The following VPS41 variants were observed in gnomAD, a reference collection of about 807,000 sequenced individuals.
VPS41 encodes vacuolar protein sorting-associated protein 41 homolog.
VPS41 carries 85 observed loss-of-function variants against 130.9 expected under a neutral mutation model. The ratio of observed to expected loss-of-function variants is 0.65; its 90% CI spans 0.55 to 0.78. The LOEUF is 0.78. Among genes scored for constraint, VPS41 ranks in the 30% least tolerant of loss-of-function variants. VPS41 has a pLI of 0.00. For synonymous variants in VPS41, 335 were observed against 332.9 expected (o/e 1.01, Z -0.07); for missense variants, 874 against 1,018.7 (o/e 0.86, Z 1.93).
At chr7:38,818,580 T>C (rs1317184358) in intron 6 of VPS41, among the ~76,000 whole-genome samples, 1 of 152,210 alleles carries the variant, frequency 6.6e-6, no homozygotes, top group African/African-American at 2.4e-5. Flanking sequence ...CATAACATCA[T>C]TAACATCTTG....
At chr7:38,789,258 G>C (rs1465288139) in intron 10 of VPS41, among the ~76,000 whole-genome samples, 2 of 152,096 alleles carry the variant, frequency 1.3e-5, no homozygotes, top group African/African-American at 2.4e-5. Flanking sequence ...AGACAGAAAT[G>C]TATCAAATAA....
intron 10 of VPS41, among the ~76,000 whole-genome samples, chr7:38,783,392 A>C (rs1172097199): frequency 6.6e-6 from 1 of 151,330 alleles, no homozygotes; most frequent in Admixed American, 6.6e-5. Context: ...AAAATTAGCC[A>C]AGCGTGGTGG....
chr7:38,848,725 G>A (rs1785780573), intron 4 of VPS41, among the ~76,000 whole-genome samples: 1 of 152,218 alleles, frequency 6.6e-6, no homozygotes, highest in Non-Finnish European at 1.5e-5. Flanking sequence ...AGGGCTGGCT[G>A]GCTGGCGTCT....
chr7:38,877,337 G>A (rs1325733691), intron 2 of VPS41, among the ~76,000 whole-genome samples: 1 of 152,026 alleles, frequency 6.6e-6, no homozygotes. Flanking sequence ...GAGAAGGAGG[G>A]GTAAAAGGGG....
At chr7:38,891,275 T>C (rs1200503814) in intron 2 of VPS41, among the ~76,000 whole-genome samples, 1 of 152,192 alleles carries the variant, frequency 6.6e-6, no homozygotes, top group Non-Finnish European at 1.5e-5. Flanking sequence ...GTTATTTTGC[T>C]AAGTATATAA....
At chr7:38,735,521 GTGTA>G (rs34188709) in intron 25 of VPS41, among the ~76,000 whole-genome samples, 3,879 of 152,220 alleles carry the variant, frequency 0.025, 62 homozygotes, top group Middle Eastern at 0.058. Flanking sequence ...ATGTGTATAT[GTGTA>G]TGTGTGTGTG....
chr7:38,740,446 T>A (rs1795858597), intron 25 of VPS41, among the ~76,000 whole-genome samples: 2 of 152,286 alleles, frequency 1.3e-5, no homozygotes, highest in South Asian at 4.2e-4. Flanking sequence ...AAAAGCCAGC[T>A]CCTCACCTCA....
At chr7:38,737,512 T>A (rs1166902993) in intron 25 of VPS41, among the ~76,000 whole-genome samples, 1 of 152,114 alleles carries the variant, frequency 6.6e-6, no homozygotes, top group African/African-American at 2.4e-5. Flanking sequence ...TGCCAAATTG[T>A]AGGAGGCAGA....
chr7:38,875,976 T>C (rs979185493), intron 2 of VPS41, among the ~76,000 whole-genome samples: 2 of 152,246 alleles, frequency 1.3e-5, no homozygotes, highest in Admixed American at 1.3e-4. Flanking sequence ...ACCCACATAT[T>C]ATTATTTAAA....
intron 10 of VPS41, among the ~76,000 whole-genome samples, chr7:38,779,400 G>T (rs1356913354): frequency 6.6e-6 from 1 of 152,102 alleles, no homozygotes; most frequent in Non-Finnish European, 1.5e-5. Flanking sequence ...TGCAATTATA[G>T]TAATACTCAG....
chr7:38,882,672 C>T (rs1374211378), intron 2 of VPS41, among the ~76,000 whole-genome samples: 3 of 152,196 alleles, frequency 2.0e-5, no homozygotes, highest in South Asian at 4.1e-4. Context: ...AGAGTCCTCC[C>T]CTACCTTAGT....
At chr7:38,728,212 T>C (rs554210421) in intron 27 of VPS41, 2 of 496,046 alleles carry the variant, frequency 4.0e-6, no homozygotes, top group Non-Finnish European at 3.7e-6. Flanking sequence ...GCATCAACAT[T>C]ACCTGGGAAC....
chr7:38,766,812 C>G (rs1584384568), intron 15 of VPS41, among the ~76,000 whole-genome samples: 1 of 152,188 alleles, frequency 6.6e-6, no homozygotes, highest in Non-Finnish European at 1.5e-5. Context: ...AAGAACGACA[C>G]GTTTGCTTCC....
At chr7:38,765,130 T>C (rs897026382) in intron 16 of VPS41, among the ~76,000 whole-genome samples, 1 of 152,186 alleles carries the variant, frequency 6.6e-6, no homozygotes, top group East Asian at 1.9e-4. Flanking sequence ...GTGCACTAAG[T>C]TGAAAGATTT....
At chr7:38,883,982 G>A (rs1054655379) in intron 2 of VPS41, among the ~76,000 whole-genome samples, 1 of 152,220 alleles carries the variant, frequency 6.6e-6, no homozygotes, top group African/African-American at 2.4e-5. Context: ...TGGAAGCTAT[G>A]TGGACACTAT....
In VPS41 at chr7:38,752,217, G is replaced by A. The variant is rs747724960; in HGVS notation, c.1885C>T (p.Leu629Phe). The change falls in exon 22 of 29, where the codon CTT becomes TTT. Residue 629 changes from leucine to phenylalanine, a missense_variant. Coordinates refer to ENST00000310301, the MANE Select transcript of VPS41 (RefSeq NM_014396.4). ...LYAEYDRPNL[L>F]PFLRDSTHCP... ...TGGGTACTGTCTCGGAGAAAGGGAAGTAAGTTTGGTCGATCATATTCAGCA... is the reference window on the plus strand; with the variant it reads ...TGGGTACTGTCTCGGAGAAAGGGAAATAAGTTTGGTCGATCATATTCAGCA... 2.5e-6 allele frequency: 4 copies of A among 1,613,988 alleles called. No individual in the cohort carries two copies. Among genetic ancestry groups the A allele is most frequent in the African/African-American group, 2.7e-5 (2 of 75,028 alleles).
intron 5 of VPS41, 42 bp from the exon 6 acceptor site, chr7:38,821,307 T>C (rs201492859): frequency 2.7e-4 from 386 of 1,417,992 alleles, no homozygotes; most frequent in Non-Finnish European, 3.5e-4. Context: ...ATGACAGCAA[T>C]AGAGAAGGCT....
At chr7:38,907,150 G>A (rs1281447723) in intron 1 of VPS41, among the ~76,000 whole-genome samples, 2 of 151,964 alleles carry the variant, frequency 1.3e-5, no homozygotes, top group South Asian at 2.1e-4. Context: ...AAATAATGCA[G>A]GAAGGTTTCA....
chr7:38,789,551 C>A (rs1784497032), intron 10 of VPS41, among the ~76,000 whole-genome samples: 1 of 152,058 alleles, frequency 6.6e-6, no homozygotes. Context: ...TCCCCGTGAT[C>A]CACTGAGGAG....
Sources: gnomAD v4.1 joint callset for allele counts (sites outside exome capture counted in the v4.1 genomes callset) on GRCh38, gnomAD v4.1.1 for gene constraint, MANE v1.5 for transcripts, NCBI Gene and HGNC (gene_info 2026-07-23, HGNC 2026-07-21) for gene names.